MRNIP: variants seen among roughly 807,000 people sequenced by gnomAD.
The protein encoded by MRNIP is MRN complex-interacting protein.
Under a neutral mutation model 29.8 loss-of-function variants are expected in MRNIP, and 30 were observed. The ratio of observed to expected loss-of-function variants is 1.01; its 90% CI spans 0.75 to 1.36. MRNIP has a LOEUF of 1.36. Among genes scored for constraint, MRNIP ranks in the 40% most tolerant of loss-of-function variants. MRNIP has a pLI of 0.00. For synonymous variants in MRNIP, 201 were observed against 164.1 expected, an observed-to-expected ratio of 1.23 and a Z score of -1.72; for missense variants, 459 against 423.5, an observed-to-expected ratio of 1.08 and a Z score of -0.74.
chr5:179,847,144 CCT>C (rs1266240624), intron 3 of MRNIP: 1 of 147,252 alleles, frequency 6.8e-6, no homozygotes, highest in Non-Finnish European at 1.5e-5. Flanking sequence ...TCATTTTTGA[CCT>C]CTGAGAGTTA....
At chr5:179,850,642 G>A (rs901367433) in intron 2 of MRNIP, among the ~76,000 whole-genome samples, 6 of 152,200 alleles carry the variant, frequency 3.9e-5, no homozygotes, top group Admixed American at 2.0e-4. Context: ...GAGCACATTC[G>A]CCTGAGAACG....
Position 179,853,380 on chromosome 5 carries a change from G to A in MRNIP, c.124C>T (p.Gln42Ter). 2.5e-6 allele frequency: 4 copies of A among 1,611,920 alleles called. No homozygotes were observed. The highest frequency in any genetic ancestry group is 1.3e-5 in the African/African-American group (1 of 74,976). Residue 42 changes from glutamine (Q) to a stop codon, truncating the protein, a stop_gained and splice_region_variant, in exon 2 of 7, where the codon CAG (glutamine) becomes TAG (stop). Transcript: ENST00000292586. LOFTEE classifies it high-confidence loss of function. Reference protein sequence around the residue: ...KACGEKQSFLQAYGEGSGADC... With the variant: ...KACGEKQSFL ...GCTTTCTGTTTTGTAGGACTCACCT[G>A]CAAAAAGGACTGCTTCTCTCCACAA...
intron 2 of MRNIP, 195 bp downstream of exon 2, chr5:179,853,183 T>G: frequency 6.6e-7 from 1 of 1,508,216 alleles, no homozygotes; most frequent in Non-Finnish European, 8.9e-7. Context: ...GAATGAAGAA[T>G]CAAATGGCAG....
Position 179,858,082 on chromosome 5 carries a change from A to G in MRNIP, c.66+649T>C, listed in dbSNP as rs549521610. ...AGGGCATAGCAGATTACCAATAATTAGGAGGGAGGGACTATCAGAAGCAGA... is the reference window on the plus strand; with the variant it reads ...AGGGCATAGCAGATTACCAATAATTGGGAGGGAGGGACTATCAGAAGCAGA... On this transcript the variant is annotated intron_variant, in intron 1 of 6. Coordinates refer to ENST00000292586, the MANE Select transcript of MRNIP (RefSeq NM_016175.4). Among the ~76,000 whole-genome samples, 5 of 152,100 alleles carry G rather than the reference A, an allele frequency of 3.3e-5. No individual in the cohort carries two copies. In the East Asian group the frequency reaches 5.8e-4, roughly 18 times the overall value.
rs1317166926 is a variant in MRNIP, at chr5:179,840,861, T to C, written c.537+11A>G. 1 of 1,589,448 alleles carries C rather than the reference T, an allele frequency of 6.3e-7. No homozygotes were observed. Among genetic ancestry groups the C allele is most frequent in the Non-Finnish European group, 8.6e-7 (1 of 1,160,494 alleles). On this transcript the variant is annotated intron_variant, in intron 6 of 6. Coordinates refer to ENST00000292586, the MANE Select transcript of MRNIP (RefSeq NM_016175.4). The stretch of plus-strand genomic sequence containing the variant: ...GTCACTGGGACCAGAGAGAAACTGT[T>C]TGTCACTGACCTTCTGGGGTCCCCA...
At position 179,841,776 on chromosome 5, in the gene MRNIP, T is replaced by A; in HGVS notation, c.449+131A>T. On this transcript the variant is annotated intron_variant, in intron 5 of 6. Coordinates refer to ENST00000292586, the MANE Select transcript of MRNIP (RefSeq NM_016175.4). The stretch of plus-strand genomic sequence containing the variant: ...GCCAGCAGTGGCAGCAGCTGCCCGA[T>A]TTCCCACCTGCTGGCACTTGCCACC... 6.2e-6 allele frequency: 6 copies of A among 969,496 alleles called. 1 individual carries two copies. Among genetic ancestry groups the A allele is most frequent in the Non-Finnish European group, 7.8e-6 (5 of 641,298 alleles). The allele number at this position is 969,496 out of a possible 1,614,324, so 60.1% of individuals were successfully genotyped here. A position where few individuals can be genotyped will look rare whatever the true frequency, so the allele number is the denominator to read the frequency against.
chr5:179,854,553 G>C (rs1322548131), intron 1 of MRNIP, among the ~76,000 whole-genome samples: 1 of 152,130 alleles, frequency 6.6e-6, no homozygotes, highest in Non-Finnish European at 1.5e-5. Context: ...GGGAGGCCAA[G>C]ACTACTCGAG....
At chr5:179,849,611 A>T (rs1167927273) in intron 2 of MRNIP, among the ~76,000 whole-genome samples, 2 of 143,010 alleles carry the variant, frequency 1.4e-5, no homozygotes, top group African/African-American at 5.3e-5. Context: ...ACGGAATTTG[A>T]GAGCATGGAT....
At chr5:179,852,187 G>C (rs1428943994) in intron 2 of MRNIP, among the ~76,000 whole-genome samples, 5 of 151,164 alleles carry the variant, frequency 3.3e-5, no homozygotes, top group Admixed American at 3.3e-4. Flanking sequence ...TCAGGAGGCT[G>C]AGGCAGGAAA....
At chr5:179,846,836 A>G (rs1759153784) in intron 3 of MRNIP, among the ~76,000 whole-genome samples, 1 of 152,062 alleles carries the variant, frequency 6.6e-6, no homozygotes, top group Non-Finnish European at 1.5e-5. Flanking sequence ...GTTCATTTGT[A>G]CACCGAGGGT....
At chr5:179,841,411 G>C (rs1269646518) in intron 5 of MRNIP, 1 of 182,444 alleles carries the variant, frequency 5.5e-6, no homozygotes, top group African/African-American at 2.4e-5. Context: ...TTACAGGTGT[G>C]AGCCACTGTA....
intron 3 of MRNIP, chr5:179,846,058 A>C (rs909770485): frequency 6.6e-6 from 1 of 152,172 alleles, no homozygotes; most frequent in Non-Finnish European, 1.5e-5. Flanking sequence ...AACCTCCAAA[A>C]AAGCTCTCAA....
intron 2 of MRNIP, among the ~76,000 whole-genome samples, chr5:179,852,955 T>TC (rs1333032192): frequency 1.3e-5 from 2 of 152,214 alleles, no homozygotes; most frequent in East Asian, 3.8e-4. Flanking sequence ...CCTCTGCCCT[T>TC]CCCCGGCTGC....
chr5:179,850,069 G>T (rs1192813878), intron 2 of MRNIP, among the ~76,000 whole-genome samples: 1 of 151,010 alleles, frequency 6.6e-6, no homozygotes, highest in Non-Finnish European at 1.5e-5. Flanking sequence ...TGAGACCACG[G>T]GTCCTGCTAT....
intron 3 of MRNIP, among the ~76,000 whole-genome samples, chr5:179,845,184 G>A (rs745430375): frequency 2.3e-4 from 35 of 151,240 alleles, no homozygotes; most frequent in Non-Finnish European, 4.1e-4. Context: ...TGTTTAACGT[G>A]TCCACTGAAT....
chr5:179,840,792 G>C, intron 6 of MRNIP, 80 bp downstream of exon 6: 1 of 1,088,430 alleles, frequency 9.2e-7, no homozygotes, highest in Non-Finnish European at 1.4e-6. Flanking sequence ...CGCACACTTC[G>C]TCAACTGTGA....
At chr5:179,853,771 C>CA (rs1194151136) in intron 1 of MRNIP, among the ~76,000 whole-genome samples, 3 of 150,524 alleles carry the variant, frequency 2.0e-5, no homozygotes, top group Non-Finnish European at 3.0e-5. Context: ...GACTCCATCT[C>CA]AAAAAAACAA....
intron 2 of MRNIP, among the ~76,000 whole-genome samples, chr5:179,850,769 A>C (rs1582053018): frequency 6.6e-6 from 1 of 152,246 alleles, no homozygotes; most frequent in South Asian, 2.1e-4. Context: ...CTTCCCGAAA[A>C]CTAGATGTCA....
At chr5:179,839,684 C>T (rs564131437) in intron 6 of MRNIP, 1 of 152,792 alleles carries the variant, frequency 6.5e-6, no homozygotes, top group African/African-American at 2.4e-5. Flanking sequence ...GGAGACCGAC[C>T]TTGGCTGATG....
Sources: gnomAD v4.1 joint callset for allele counts (sites outside exome capture counted in the v4.1 genomes callset) on GRCh38, gnomAD v4.1.1 for gene constraint, MANE v1.5 for transcripts, NCBI Gene and HGNC (gene_info 2026-07-23, HGNC 2026-07-21) for gene names.